XKR9: variants seen among roughly 807,000 people sequenced by gnomAD.
The protein encoded by XKR9 is XK related 9, also known as XK-related protein 9.
Under a neutral mutation model 32.0 loss-of-function variants are expected in XKR9, and 32 were observed. The ratio of observed to expected loss-of-function variants is 1.00; its 90% confidence interval spans 0.76 to 1.34. XKR9 has a LOEUF of 1.34. Ranked by LOEUF, XKR9 falls within the 40% of genes most tolerant of loss-of-function variation. The pLI is 0.00. For missense variants in XKR9, 546 were observed against 429.7 expected (o/e 1.27, Z -2.39); for synonymous variants, 168 against 143.4 (o/e 1.17, Z -1.22).
At chr8:70,800,585 A>C in the XKR9 span, among the ~76,000 whole-genome samples, 1 of 152,142 alleles carries the variant, frequency 6.6e-6, no homozygotes, top group East Asian at 1.9e-4. Flanking sequence ...TCCTGGGCTC[A>C]AGTGATTCTA....
chr8:70,877,457 T>G, the XKR9 span, among the ~76,000 whole-genome samples: 2 of 152,300 alleles, frequency 1.3e-5, no homozygotes, highest in Admixed American at 1.3e-4. Context: ...CTAGATAATT[T>G]AAGTGATTTA....
chr8:70,872,001 G>A, the XKR9 span, among the ~76,000 whole-genome samples: 1 of 152,118 alleles, frequency 6.6e-6, no homozygotes, highest in Non-Finnish European at 1.5e-5. Context: ...TTTGCAATAT[G>A]CACATCATTG....
chr8:70,999,041 A>C, the XKR9 span, among the ~76,000 whole-genome samples: 1 of 151,866 alleles, frequency 6.6e-6, no homozygotes, highest in Non-Finnish European at 1.5e-5. Context: ...CTGTAGTATA[A>C]ATCTGTTGGT....
the XKR9 span, among the ~76,000 whole-genome samples, chr8:70,928,097 C>T: frequency 6.6e-6 from 1 of 152,194 alleles, no homozygotes; most frequent in Non-Finnish European, 1.5e-5. Context: ...AGCTGGAGTG[C>T]AGTAGAGTAA....
chr8:70,673,756 C>T (rs1818794109), intron 1 of XKR9, among the ~76,000 whole-genome samples: 1 of 150,852 alleles, frequency 6.6e-6, no homozygotes, highest in South Asian at 2.1e-4. Context: ...CAGAGTGAGA[C>T]TCCATGTCAA....
the XKR9 span, among the ~76,000 whole-genome samples, chr8:70,899,148 G>A: frequency 2.0e-5 from 3 of 151,764 alleles, no homozygotes; most frequent in East Asian, 3.9e-4. Flanking sequence ...ATTTTTCTGT[G>A]GTGGCTTCCA....
the XKR9 span, among the ~76,000 whole-genome samples, chr8:70,949,269 C>G: frequency 6.6e-6 from 1 of 152,024 alleles, no homozygotes; most frequent in Non-Finnish European, 1.5e-5. Context: ...TAAATAAGCT[C>G]TTTTTCTTGT....
the XKR9 span, among the ~76,000 whole-genome samples, chr8:71,064,347 G>A: frequency 2.0e-4 from 31 of 152,066 alleles, no homozygotes; most frequent in Middle Eastern, 3.4e-3. Context: ...CAGTAAATAT[G>A]TTATAAAGTT....
chr8:70,679,738 G>A (rs1363757511), intron 2 of XKR9, among the ~76,000 whole-genome samples: 4 of 152,172 alleles, frequency 2.6e-5, no homozygotes, highest in African/African-American at 4.8e-5. Flanking sequence ...GACAAATCTT[G>A]TATGCAGATT....
chr8:71,043,811 C>T, the XKR9 span, among the ~76,000 whole-genome samples: 4 of 151,766 alleles, frequency 2.6e-5, no homozygotes, highest in East Asian at 1.9e-4. Flanking sequence ...CATCTAATTA[C>T]GAGATACCAA....
chr8:70,741,570 A>G (rs1163962281), intron 2 of XKR9, among the ~76,000 whole-genome samples: 3 of 152,146 alleles, frequency 2.0e-5, no homozygotes, highest in East Asian at 1.9e-4. Flanking sequence ...GACAAGATTT[A>G]CTTCTTTTTT....
At chr8:70,929,532 C>A in the XKR9 span, among the ~76,000 whole-genome samples, 1 of 152,286 alleles carries the variant, frequency 6.6e-6, no homozygotes, top group South Asian at 2.1e-4. Flanking sequence ...TCAGGCTGAG[C>A]TCTTATCTGG....
the XKR9 span, among the ~76,000 whole-genome samples, chr8:70,973,491 C>T: frequency 1.1e-4 from 16 of 151,600 alleles, no homozygotes; most frequent in Admixed American, 5.3e-4. Context: ...TTTTTTTCTT[C>T]GGCTAGGTTT....
At chr8:71,057,823 G>A in the XKR9 span, among the ~76,000 whole-genome samples, 2 of 152,108 alleles carry the variant, frequency 1.3e-5, no homozygotes, top group Non-Finnish European at 2.9e-5. Flanking sequence ...TTTCTCCAGA[G>A]GAAAGAATGA....
intron 2 of XKR9, among the ~76,000 whole-genome samples, chr8:70,767,300 A>T (rs1807390674): frequency 6.6e-6 from 1 of 151,970 alleles, no homozygotes; most frequent in Non-Finnish European, 1.5e-5. Context: ...TTATTCAGGG[A>T]TTTGACTTCT....
chr8:70,944,590 G>A, the XKR9 span, among the ~76,000 whole-genome samples: 1 of 152,142 alleles, frequency 6.6e-6, no homozygotes, highest in African/African-American at 2.4e-5. Flanking sequence ...TAGGGAGCTA[G>A]GGTTGAATGA....
Position 70,681,121 on chromosome 8 carries a change from T to C in XKR9, c.63T>C (p.Asp21=). 1 of 1,613,436 alleles carries C rather than the reference T, an allele frequency of 6.2e-7. No homozygotes were observed. Residue 21 remains aspartate (D), a synonymous_variant, in exon 3 of 5, where the codon GAT becomes GAC. Coordinates refer to ENST00000408926, the MANE Select transcript of XKR9 (RefSeq NM_001011720.2). The stretch of plus-strand genomic sequence containing the variant: ...TTGGCATTATAATCTACGTAACTGA[T>C]TTAATTGTGGACATATGGGTATCTG... ...SVLGIIIYVT[D]LIVDIWVSVR...
chr8:70,678,969 T>C (rs1818974131), intron 2 of XKR9, among the ~76,000 whole-genome samples: 1 of 152,234 alleles, frequency 6.6e-6, no homozygotes, highest in East Asian at 1.9e-4. Flanking sequence ...CACAGACTTA[T>C]TAGCTTAAAC....
At chr8:70,896,906 T>TA in the XKR9 span, among the ~76,000 whole-genome samples, 14 of 152,148 alleles carry the variant, frequency 9.2e-5, no homozygotes, top group African/African-American at 3.4e-4. Flanking sequence ...TTTAGTTATT[T>TA]AAAAATGTAC....
Sources: allele counts gnomAD v4.1 joint callset (sites outside exome capture counted in the v4.1 genomes callset), GRCh38; gene constraint gnomAD v4.1.1; transcripts MANE v1.5; gene names NCBI Gene and HGNC (gene_info 2026-07-23, HGNC 2026-07-21).